Variants in ERO1B observed in about 807,000 individuals in gnomAD.
ERO1B encodes the protein endoplasmic reticulum oxidoreductase 1 beta, also known as ERO1-like protein beta.
Under a neutral mutation model 75.3 loss-of-function variants are expected in ERO1B, and 49 were observed. The observed-to-expected ratio is 0.65, with a 90% CI of 0.52 to 0.83. The LOEUF is 0.83. ERO1B is among the 40% of genes least tolerant of loss of function. The pLI is 0.00. For missense variants in ERO1B, 512 were observed against 560.1 expected (o/e 0.91, Z 0.87); for synonymous variants, 191 against 192.9 (o/e 0.99, Z 0.08).
Position 236,236,360 on chromosome 1 carries a change from G to C in ERO1B, c.544C>G (p.Leu182Val). The change falls in exon 7 of 16, where the codon CTG becomes GTG. Residue 182 changes from leucine to valine, a missense_variant. Transcript: ENST00000354619. ...SPAAQYVDLL[L>V]NPERYTGYKG... ...TAGCCAGTGTAACGCTCTGGGTTCA[G>C]CAATAGGTCTACATACTGAGCAGCT... is the stretch of plus-strand genomic sequence containing the variant. 6.2e-7 allele frequency: 1 copy of C among 1,613,848 alleles called. No individual in the cohort carries two copies. Among genetic ancestry groups the C allele is most frequent in the Non-Finnish European group, 8.5e-7 (1 of 1,179,932 alleles).
Position 236,236,409 on chromosome 1 carries a change from A to G in ERO1B, c.506-11T>C. The G allele has an allele frequency of 6.2e-7, 1 of 1,612,678 alleles. No individual in the cohort carries two copies. Among genetic ancestry groups the G allele is most frequent in the Non-Finnish European group, 8.5e-7 (1 of 1,179,604 alleles). On this transcript the variant is annotated splice_polypyrimidine_tract_variant and intron_variant, in intron 6 of 15. Coordinates refer to ENST00000354619, the MANE Select transcript of ERO1B (RefSeq NM_019891.4). ...CTGGAGATCTCTCATCTGAACAAGA[A>G]AAAATTCATAAAAACCATCCATATT... is the stretch of plus-strand genomic sequence containing the variant.
chr1:236,260,991 T>C (rs750082824), intron 2 of ERO1B, among the ~76,000 whole-genome samples: 5 of 150,342 alleles, frequency 3.3e-5, no homozygotes, highest in African/African-American at 7.3e-5. Flanking sequence ...ATCCCAGAGA[T>C]GCAAGAGTAG....
At chr1:236,274,442 T>C (rs1381167255) in intron 1 of ERO1B, among the ~76,000 whole-genome samples, 8 of 152,258 alleles carry the variant, frequency 5.3e-5, no homozygotes, top group Admixed American at 3.3e-4. Flanking sequence ...TCTATTTATA[T>C]CTTTGATTCA....
intron 12 of ERO1B, among the ~76,000 whole-genome samples, chr1:236,225,613 A>G (rs1664258728): frequency 6.6e-6 from 1 of 152,234 alleles, no homozygotes; most frequent in Non-Finnish European, 1.5e-5. Context: ...CAATGCAAAC[A>G]CATGTATATT....
chr1:236,223,737 G>A (rs1379512024), intron 13 of ERO1B, among the ~76,000 whole-genome samples: 2 of 152,114 alleles, frequency 1.3e-5, no homozygotes, highest in African/African-American at 4.8e-5. Context: ...TATTACACAA[G>A]ATCATTCTGA....
chr1:236,274,834 G>A (rs2695034), intron 1 of ERO1B, among the ~76,000 whole-genome samples: 139,654 of 152,190 alleles, frequency 0.92, 65,190 homozygotes, highest in East Asian at 1. Context: ...ACAAAGTACA[G>A]AATGTCAGAT....
intron 15 of ERO1B, among the ~76,000 whole-genome samples, 200 bp from the exon 16 acceptor site, chr1:236,218,776 T>C (rs1004978871): frequency 3.3e-5 from 5 of 152,198 alleles, no homozygotes; most frequent in Non-Finnish European, 1.5e-5. Context: ...CTTCATACTA[T>C]CTACAGACAT....
At chr1:236,239,859 GTATATA>G (rs150005841) in intron 6 of ERO1B, among the ~76,000 whole-genome samples, 2 of 74,478 alleles carry the variant, frequency 2.7e-5, no homozygotes, top group East Asian at 5.5e-4. Context: ...GTGTATATAT[GTATATA>G]TATATGTGTA....
intron 2 of ERO1B, among the ~76,000 whole-genome samples, chr1:236,262,994 CT>C (rs1413249951): frequency 1.3e-5 from 2 of 152,086 alleles, no homozygotes; most frequent in African/African-American, 4.8e-5. Flanking sequence ...ATGGGGACGA[CT>C]AACTCGGAAG....
Position 236,216,052 on chromosome 1 carries a change from G to A in ERO1B, c.*2464C>T, listed in dbSNP as rs1663966133. Reference sequence around the variant, plus strand: ...CCTCATAATCTAAGAATCAAAACAGGAGAAACATTCAAAGTTTACCAATTT... The same window carrying A: ...CCTCATAATCTAAGAATCAAAACAGAAGAAACATTCAAAGTTTACCAATTT... On this transcript the variant is annotated 3_prime_UTR_variant, in exon 16 of 16. Coordinates refer to ENST00000354619, the MANE Select transcript of ERO1B (RefSeq NM_019891.4). 6.6e-6 allele frequency: 1 copy of A among 152,082 alleles called. No individual in the cohort carries two copies. Among genetic ancestry groups the A allele is most frequent in the Non-Finnish European group, 1.5e-5 (1 of 67,970 alleles). The allele number at this position is 152,082 out of a possible 1,614,324, so 9.4% of individuals were successfully genotyped here. A position where few individuals can be genotyped will look rare whatever the true frequency, so the allele number is the denominator to read the frequency against.
In ERO1B at chr1:236,246,064, T is replaced by C. The variant is rs574446459; in HGVS notation, c.432-2569A>G. Among the ~76,000 whole-genome samples, 7 of 152,284 alleles carry C rather than the reference T, an allele frequency of 4.6e-5. No homozygotes were observed. In the East Asian group the frequency reaches 1.4e-3, roughly 29 times the overall value. On this transcript the variant is annotated intron_variant, in intron 5 of 15. Coordinates refer to ENST00000354619, the MANE Select transcript of ERO1B (RefSeq NM_019891.4). The stretch of plus-strand genomic sequence containing the variant: ...GAACAGATAACTGATACACTACTAG[T>C]AGCAATATAATTTGGTAGCAATTTT...
intron 5 of ERO1B, among the ~76,000 whole-genome samples, chr1:236,249,084 G>A (rs774353183): frequency 2.7e-5 from 4 of 149,322 alleles, no homozygotes; most frequent in African/African-American, 5.0e-5. Flanking sequence ...AGAGTGCAAC[G>A]GTGTGATCTC....
In ERO1B at chr1:236,236,659, A is replaced by C. The variant is rs1664555846; in HGVS notation, c.506-261T>G. Among the ~76,000 whole-genome samples, 3 of 152,310 alleles carry C rather than the reference A, an allele frequency of 2.0e-5. No individual in the cohort carries two copies. In the South Asian group the frequency reaches 6.2e-4, roughly 32 times the overall value. On this transcript the variant is annotated intron_variant, in intron 6 of 15. Coordinates refer to ENST00000354619, the MANE Select transcript of ERO1B (RefSeq NM_019891.4). ...ACGCAGTGCTCTTTTAAGTAATATA[A>C]CATCCCCTTCACCTTATTAGAGACA...
chr1:236,281,683 T>C lies in ERO1B; in HGVS notation c.101A>G (p.Gln34Arg). 1.4e-6 allele frequency: 2 copies of C among 1,476,004 alleles called. No individual in the cohort carries two copies. Among genetic ancestry groups the C allele is most frequent in the East Asian group, 2.7e-5 (1 of 36,528 alleles). 91.4% of individuals were successfully genotyped at this position (1,476,004 alleles called of 1,614,324 possible). The part of the protein sequence containing the change: ...LSFLRSVVEA[Q>R]VTGVLDDCLC... ...CGGCCCGCTATCACTCGGGCTTACC[T>C]GCGCCTCGACGACGCTCCGCAGGAA... Residue 34 changes from glutamine (Q) to arginine (R), a missense_variant and splice_region_variant, in exon 1 of 16, where the codon CAG becomes CGG. By Grantham distance (43) the Gln-to-Arg change is conservative. Coordinates refer to ENST00000354619, the MANE Select transcript of ERO1B (RefSeq NM_019891.4).
intron 3 of ERO1B, among the ~76,000 whole-genome samples, chr1:236,252,671 T>C (rs1665059091): frequency 1.3e-5 from 2 of 152,214 alleles, no homozygotes; most frequent in South Asian, 4.1e-4. Context: ...TCTGAATTAT[T>C]ACAACCAGTT....
At chr1:236,225,199 G>A (rs1664250920) in intron 12 of ERO1B, 60 bp from the exon 13 acceptor site, 1 of 1,487,000 alleles carries the variant, frequency 6.7e-7, no homozygotes, top group Admixed American at 1.7e-5. Context: ...CTCTGTATCA[G>A]AAACCTGATA....
chr1:236,232,825 C>T lies in ERO1B; in HGVS notation c.685+3G>A, dbSNP rs756291336. ...GAAACAAACAAACATGAGTTTTGCT[C>T]ACCATCATCTTCGCCTAAAAGAGAA... On this transcript the variant is annotated splice_donor_region_variant and intron_variant, in intron 9 of 15. Coordinates refer to ENST00000354619, the MANE Select transcript of ERO1B (RefSeq NM_019891.4). 1 of 1,595,384 alleles carries T rather than the reference C, an allele frequency of 6.3e-7. No homozygotes were observed. The highest frequency in any genetic ancestry group is 8.5e-7 in the Non-Finnish European group (1 of 1,170,726).
At chr1:236,280,420 A>G (rs1665807166) in intron 1 of ERO1B, among the ~76,000 whole-genome samples, 1 of 152,226 alleles carries the variant, frequency 6.6e-6, no homozygotes, top group Non-Finnish European at 1.5e-5. Flanking sequence ...AGTGAGGTCC[A>G]AGAGGTAGTC....
intron 3 of ERO1B, among the ~76,000 whole-genome samples, chr1:236,252,998 A>G (rs1419379033): frequency 6.6e-6 from 1 of 152,122 alleles, no homozygotes; most frequent in East Asian, 1.9e-4. Flanking sequence ...CCAAGTGAAA[A>G]TCTAATTCTA....
Sources: gnomAD v4.1 joint callset for allele counts (sites outside exome capture counted in the v4.1 genomes callset) on GRCh38, gnomAD v4.1.1 for gene constraint, MANE v1.5 for transcripts, NCBI Gene and HGNC (gene_info 2026-07-23, HGNC 2026-07-21) for gene names.